Variants in STYXL2 observed in about 807,000 individuals in gnomAD.
STYXL2 encodes the protein serine/threonine/tyrosine interacting like 2.
A neutral mutation model predicts 52.4 loss-of-function variants in STYXL2; 44 were observed. The ratio of observed to expected loss-of-function variants is 0.84; its 90% CI spans 0.66 to 1.08. STYXL2 has a LOEUF of 1.08. STYXL2 is among the 50% of genes least tolerant of loss of function. The probability of loss-of-function intolerance (pLI) is 0.00; values close to 1 mark genes in which losing one functional copy is unlikely to be tolerated. For missense variants in STYXL2, 1,604 were observed against 1,471.7 expected (o/e 1.09, Z -1.47); for synonymous variants, 604 against 586.9 (o/e 1.03, Z -0.42).
intron 5 of STYXL2, among the ~76,000 whole-genome samples, chr1:167,125,259 C>A (rs1039678244): frequency 6.6e-6 from 1 of 152,068 alleles, no homozygotes; most frequent in African/African-American, 2.4e-5. Context: ...TAGAGTGATC[C>A]AAAAATGGAG....
At chr1:167,124,688 CT>C (rs1667923987) in intron 5 of STYXL2, among the ~76,000 whole-genome samples, 1 of 152,164 alleles carries the variant, frequency 6.6e-6, no homozygotes, top group South Asian at 2.1e-4. Context: ...TGAAATTATC[CT>C]TAAGTTTAAA....
At position 167,120,891 on chromosome 1, in the gene STYXL2, G is replaced by C. The variant is rs1426354515; in HGVS notation, c.655+1425G>C. Among the ~76,000 whole-genome samples, 739 of 95,476 alleles carry C rather than the reference G, an allele frequency of 7.7e-3. 29 individuals carry two copies. The highest frequency in any genetic ancestry group is 0.024 in the African/African-American group (695 of 28,428). 62.6% of individuals were successfully genotyped at this position (95,476 alleles called of 152,430 possible). A position where few individuals can be genotyped will look rare whatever the true frequency, so the allele number is the denominator to read the frequency against. ...ATATATATATATATATATATACAGAGAGAGAGAGAGGTATGTATGTGTATA... is the reference window on the plus strand; with the variant it reads ...ATATATATATATATATATATACAGACAGAGAGAGAGGTATGTATGTGTATA... On this transcript the variant is annotated intron_variant, in intron 5 of 5. Coordinates refer to ENST00000361200, the MANE Select transcript of STYXL2 (RefSeq NM_001080426.3).
At chr1:167,095,094 T>A in intron 2 of STYXL2, 135 bp downstream of exon 2, 1 of 644,012 alleles carries the variant, frequency 1.6e-6, no homozygotes, top group Non-Finnish European at 2.8e-6. Flanking sequence ...AGTACTTGTA[T>A]GTGTCCTACT....
intron 4 of STYXL2, 75 bp downstream of exon 4, chr1:167,117,634 AC>A: frequency 2.9e-6 from 4 of 1,372,498 alleles, no homozygotes; most frequent in Non-Finnish European, 4.0e-6. Flanking sequence ...AACTCCCCCA[AC>A]TTTCACCAAA....
At position 167,128,398 on chromosome 1, in the gene STYXL2, C is replaced by G. The variant is rs1668023146; in HGVS notation, c.3267C>G (p.Thr1089=). The part of the protein sequence containing the change: ...FSEFGAKRKF[T]QSFMRSEEEG... ...AATTTGGAGCCAAGAGGAAGTTCAC[C>G]CAGAGCTTTATGAGGTCTGAAGAAG... The change falls in exon 6 of 6, where the codon ACC becomes ACG. Residue 1089 remains threonine (T), a synonymous_variant. Transcript: ENST00000361200. The G allele has an allele frequency of 1.2e-6, 2 of 1,613,818 alleles. No homozygotes were observed. Among genetic ancestry groups the G allele is most frequent in the Admixed American group, 3.3e-5 (2 of 59,972 alleles).
intron 2 of STYXL2, among the ~76,000 whole-genome samples, chr1:167,108,837 A>C (rs905415214): frequency 7.9e-5 from 12 of 152,208 alleles, no homozygotes; most frequent in Non-Finnish European, 1.2e-4. Context: ...TAGCCAAAAA[A>C]CTGTGAATGC....
rs747708985 is a variant in STYXL2 at position 167,127,437 on chromosome 1, C to G, written c.2306C>G (p.Ser769Cys). The G allele has an allele frequency of 9.9e-6, 16 of 1,613,984 alleles. No individual in the cohort carries two copies. Among genetic ancestry groups the G allele is most frequent in the Non-Finnish European group, 1.3e-5 (15 of 1,179,996 alleles). ...AGCTGCCTGGGGGATGACCAAGTCT[C>G]CATGCTTAGTGGACACAGCAGCTCC... The part of the protein sequence containing the change: ...AASCLGDDQV[S>C]MLSGHSSSSL... The change falls in exon 6 of 6, where the codon TCC becomes TGC. Residue 769 changes from serine to cysteine, a missense_variant. Coordinates refer to ENST00000361200, the MANE Select transcript of STYXL2 (RefSeq NM_001080426.3).
At chr1:167,099,065 A>G (rs1667349483) in intron 2 of STYXL2, among the ~76,000 whole-genome samples, 1 of 152,172 alleles carries the variant, frequency 6.6e-6, no homozygotes, top group Non-Finnish European at 1.5e-5. Flanking sequence ...ATTACTAGAT[A>G]CAAAGAGACA....
Position 167,119,369 on chromosome 1 carries a change from C to A in STYXL2, c.558C>A (p.Tyr186Ter). 1 of 1,614,172 alleles carries A rather than the reference C, an allele frequency of 6.2e-7. No individual in the cohort carries two copies. Among genetic ancestry groups the A allele is most frequent in the Non-Finnish European group, 8.5e-7 (1 of 1,180,034 alleles). The change falls in exon 5 of 6, where the codon TAC becomes TAA. Residue 186 changes from tyrosine to a stop codon, truncating the protein, a stop_gained. Transcript: ENST00000361200. LOFTEE classifies it high-confidence loss of function. The stretch of plus-strand genomic sequence containing the variant: ...TCTACACTGGCCTGGAGATCCAGTA[C>A]CTGGGTGTAGAGGTGGATGACTTTC... ...PEFYTGLEIQ[Y>*]LGVEVDDFPE...
chr1:167,125,206 A>T (rs1667937323), intron 5 of STYXL2, among the ~76,000 whole-genome samples: 1 of 152,128 alleles, frequency 6.6e-6, no homozygotes, highest in Non-Finnish European at 1.5e-5. Flanking sequence ...TTGTTACAGA[A>T]ATTTATACTT....
At chr1:167,109,559 A>T (rs1571337037) in intron 2 of STYXL2, among the ~76,000 whole-genome samples, 1 of 152,116 alleles carries the variant, frequency 6.6e-6, no homozygotes, top group African/African-American at 2.4e-5. Flanking sequence ...GACACACCTA[A>T]CCCTGCCCCC....
chr1:167,094,993 C>T (rs1290079353), intron 2 of STYXL2, 34 bp downstream of exon 2: 1 of 1,519,032 alleles, frequency 6.6e-7, no homozygotes, highest in East Asian at 2.4e-5. Context: ...CCTCACAGCC[C>T]CAGCTGGGAG....
In STYXL2 at chr1:167,126,947, G is replaced by A. The variant is rs1259828586; in HGVS notation, c.1816G>A (p.Glu606Lys). ...HQKKVGSENK[E>K]EVVELSKGED... ...GAAGAAGGTGGGCAGTGAGAACAAG[G>A]AGGAGGTGGTGGAGCTCAGCAAGGG... Residue 606 changes from glutamate to lysine, a missense_variant, in exon 6 of 6, where the codon GAG (glutamate) becomes AAG (lysine). Glu to Lys is a moderately conservative substitution (Grantham distance 56). Transcript: ENST00000361200. 2 of 1,611,392 alleles carry A rather than the reference G, an allele frequency of 1.2e-6. No homozygotes were observed. Among genetic ancestry groups the A allele is most frequent in the Non-Finnish European group, 1.7e-6 (2 of 1,178,716 alleles).
rs190568033 is a variant in STYXL2, at chr1:167,098,690, A to G, written c.110+3731A>G. ...AGCTAGAGAGATTTGAAGACTGGAG[A>G]TGCCTTAAGGCTGAGGGTGACTCAC... On this transcript the variant is annotated intron_variant, in intron 2 of 5. Transcript: ENST00000361200. Among the ~76,000 whole-genome samples the G allele has an allele frequency of 3.1e-3, 471 of 152,240 alleles. 2 individuals are homozygous for G. Among genetic ancestry groups the G allele is most frequent in the Non-Finnish European group, 2.9e-3 (198 of 68,010 alleles).
rs376387120 is a variant in STYXL2 at position 167,126,392 on chromosome 1, A to G, written c.1261A>G (p.Ser421Gly). The G allele has an allele frequency of 6.4e-7, 1 of 1,554,352 alleles. No individual in the cohort carries two copies. Among genetic ancestry groups the G allele is most frequent in the Non-Finnish European group, 8.7e-7 (1 of 1,149,040 alleles). ...WGREEEKEEE[S>G]DAGSSVGRRR... ...AAGGGAGGAGGAGAAGGAGGAGGAG[A>G]GCGACGCTGGCTCCTCGGTGGGGAG... The change falls in exon 6 of 6, where the codon AGC (serine) becomes GGC (glycine). Residue 421 changes from serine (S) to glycine (G), a missense_variant. Coordinates refer to ENST00000361200, the MANE Select transcript of STYXL2 (RefSeq NM_001080426.3).
rs1357079865 is a variant in STYXL2, at chr1:167,117,532, T to C, written c.410T>C (p.Val137Ala). ...QEAPWNEVDE[V>A]WPNVFIAEKS... is the part of the protein sequence containing the mutation. ...GCGCCCTGGAATGAGGTGGATGAGG[T>C]CTGGCCCAATGTCTTCATAGCTGAG... is the stretch of plus-strand genomic sequence containing the variant. The change falls in exon 4 of 6, where the codon GTC becomes GCC. Residue 137 changes from valine (V) to alanine (A), a missense_variant. By Grantham distance (64) the Val-to-Ala change is moderately conservative. Transcript: ENST00000361200. 5 of 1,606,002 alleles carry C rather than the reference T, an allele frequency of 3.1e-6. No individual in the cohort carries two copies. In the East Asian group the frequency reaches 1.1e-4, roughly 36 times the overall value.
chr1:167,097,085 G>A (rs928477933), intron 2 of STYXL2, among the ~76,000 whole-genome samples: 2 of 152,224 alleles, frequency 1.3e-5, no homozygotes, highest in African/African-American at 4.8e-5. Context: ...ATTTGACCTT[G>A]ATTTGTCTCT....
intron 3 of STYXL2, among the ~76,000 whole-genome samples, chr1:167,114,886 C>T (rs1024510977): frequency 3.3e-5 from 5 of 152,172 alleles, no homozygotes; most frequent in African/African-American, 4.8e-5. Flanking sequence ...GAATTGCTCC[C>T]AGCACCACTA....
At position 167,128,805 on chromosome 1, in the gene STYXL2, A is replaced by G; in HGVS notation, c.*197A>G. On this transcript the variant is annotated 3_prime_UTR_variant, in exon 6 of 6. Transcript: ENST00000361200. ...GGCAAGGAGGGGGAGAACCATCAATACGAATACGAGGTCCGAATGCGGACC... is the reference window on the plus strand; with the variant it reads ...GGCAAGGAGGGGGAGAACCATCAATGCGAATACGAGGTCCGAATGCGGACC... 1.2e-6 allele frequency: 1 copy of G among 838,004 alleles called. No homozygotes were observed. Among genetic ancestry groups the G allele is most frequent in the Non-Finnish European group, 1.8e-6 (1 of 571,030 alleles). The allele number at this position is 838,004 out of a possible 1,614,324, so 51.9% of individuals were successfully genotyped here.
Sources: gnomAD v4.1 joint callset for allele counts (sites outside exome capture counted in the v4.1 genomes callset) on GRCh38, gnomAD v4.1.1 for gene constraint, MANE v1.5 for transcripts, NCBI Gene and HGNC (gene_info 2026-07-23, HGNC 2026-07-21) for gene names.